TRPC4: variants seen among roughly 807,000 people sequenced by gnomAD.
TRPC4 encodes the protein short transient receptor potential channel 4.
Under a neutral mutation model 99.4 loss-of-function variants are expected in TRPC4, and 49 were observed. The ratio of observed to expected loss-of-function variants is 0.49; its 90% CI spans 0.39 to 0.63. TRPC4 has a LOEUF of 0.63. TRPC4 is among the 20% of genes least tolerant of loss of function. The pLI, the probability that TRPC4 is intolerant of heterozygous loss-of-function variation, is 0.00. For synonymous variants in TRPC4, 454 were observed against 425.9 expected, an observed-to-expected ratio of 1.07 and a Z score of -0.81; for missense variants, 898 against 1,152.9, an observed-to-expected ratio of 0.78 and a Z score of 3.20.
rs777379018 is a variant in TRPC4 at position 37,783,151 on chromosome 13, G to A, written c.183C>T (p.Ile61=). ...SLEEAEIYFK[I]NINCIDPLGR... is the part of the protein sequence containing the mutation. ...CGAGAGGATCAATGCAATTAATATTGATTTTAAAATAAATTTCAGCTTCCT... is the reference window on the plus strand; with the variant it reads ...CGAGAGGATCAATGCAATTAATATTAATTTTAAAATAAATTTCAGCTTCCT... Residue 61 remains isoleucine (I), a synonymous_variant, in exon 2 of 11, where the codon ATC becomes ATT. Coordinates refer to ENST00000379705, the MANE Select transcript of TRPC4 (RefSeq NM_016179.4). 1 of 1,613,372 alleles carries A rather than the reference G, an allele frequency of 6.2e-7. No homozygotes were observed. The highest frequency in any genetic ancestry group is 8.5e-7 in the Non-Finnish European group (1 of 1,179,710).
intron 1 of TRPC4, among the ~76,000 whole-genome samples, chr13:37,793,953 TAGAG>T (rs894088050): frequency 5.3e-5 from 8 of 152,046 alleles, no homozygotes; most frequent in Non-Finnish European, 7.4e-5. Context: ...TGGGAAAAAA[TAGAG>T]AGACTCAAAA....
At chr13:37,644,642 G>A (rs2138566965) in intron 8 of TRPC4, among the ~76,000 whole-genome samples, 1 of 152,058 alleles carries the variant, frequency 6.6e-6, no homozygotes, top group South Asian at 2.1e-4. Context: ...AGGCCGAAGA[G>A]GGTGGATCAC....
chr13:37,818,530 A>G (rs531105302), intron 1 of TRPC4, among the ~76,000 whole-genome samples: 3 of 152,196 alleles, frequency 2.0e-5, no homozygotes, highest in Non-Finnish European at 4.4e-5. Context: ...TATTCACAAT[A>G]GCAAATACTT....
chr13:37,736,895 ATTT>A (rs34176145), intron 3 of TRPC4, among the ~76,000 whole-genome samples: 2 of 127,726 alleles, frequency 1.6e-5, no homozygotes, highest in African/African-American at 2.9e-5. Context: ...TGCCTGGCTA[ATTT>A]TTTTTTTTTT....
chr13:37,827,178 T>A (rs9566269), intron 1 of TRPC4, among the ~76,000 whole-genome samples: 43,797 of 151,556 alleles, frequency 0.29, 6,499 homozygotes, highest in East Asian at 0.43. Context: ...ATTCTTCTAA[T>A]TTTTTTTCAA....
chr13:37,828,068 G>T (rs190398495), intron 1 of TRPC4, among the ~76,000 whole-genome samples: 1,972 of 152,284 alleles, frequency 0.013, 39 homozygotes, highest in African/African-American at 0.045. Context: ...TCTTTGACTA[G>T]GAAAGGGAAC....
At chr13:37,814,804 A>C (rs868372656) in intron 1 of TRPC4, among the ~76,000 whole-genome samples, 2 of 151,836 alleles carry the variant, frequency 1.3e-5, no homozygotes, top group Non-Finnish European at 2.9e-5. Context: ...ATTCCAACTT[A>C]CTTTTTAAAA....
At chr13:37,667,644 T>C (rs1267333782) in intron 5 of TRPC4, among the ~76,000 whole-genome samples, 2 of 152,186 alleles carry the variant, frequency 1.3e-5, no homozygotes, top group Admixed American at 1.3e-4. Context: ...AACCAGCCCA[T>C]GTCACATATT....
At chr13:37,808,454 T>C (rs570419560) in intron 1 of TRPC4, among the ~76,000 whole-genome samples, 2 of 152,194 alleles carry the variant, frequency 1.3e-5, no homozygotes, top group South Asian at 4.1e-4. Flanking sequence ...GAAATACATT[T>C]TGATGGAACT....
intron 1 of TRPC4, among the ~76,000 whole-genome samples, chr13:37,811,675 C>T (rs868853977): frequency 2.0e-5 from 3 of 152,114 alleles, no homozygotes; most frequent in Non-Finnish European, 2.9e-5. Context: ...AGGGGAAAAT[C>T]ATCTGTGAAG....
chr13:37,761,446 G>T (rs1413066244), intron 2 of TRPC4, among the ~76,000 whole-genome samples: 3 of 151,816 alleles, frequency 2.0e-5, no homozygotes. Context: ...CTCAGGTAGC[G>T]AGAGTAGGAA....
chr13:37,848,537 C>T (rs530784975), intron 1 of TRPC4, among the ~76,000 whole-genome samples: 3 of 152,176 alleles, frequency 2.0e-5, no homozygotes, highest in African/African-American at 7.2e-5. Context: ...GAGGGAAAAT[C>T]AAGTTGCAGA....
In TRPC4 at chr13:37,737,245, T is replaced by C. The variant is rs187817910; in HGVS notation, c.897+8692A>G. Among the ~76,000 whole-genome samples the C allele has an allele frequency of 2.6e-3, 400 of 151,038 alleles. 1 individual carries two copies. The highest frequency in any genetic ancestry group is 9.1e-3 in the African/African-American group (377 of 41,280). On this transcript the variant is annotated intron_variant, in intron 3 of 10. Coordinates refer to ENST00000379705, the MANE Select transcript of TRPC4 (RefSeq NM_016179.4). ...AAAATAGTAATAATAATAATAATAATAATAATAGCTGATAATAATAGATAG... is the reference window on the plus strand; with the variant it reads ...AAAATAGTAATAATAATAATAATAACAATAATAGCTGATAATAATAGATAG...
chr13:37,792,106 T>C (rs2139392162), intron 1 of TRPC4, among the ~76,000 whole-genome samples: 1 of 152,278 alleles, frequency 6.6e-6, no homozygotes, highest in South Asian at 2.1e-4. Flanking sequence ...TTAGCAATTA[T>C]ACAAGCATGG....
At chr13:37,866,288 G>A (rs1400846280) in intron 1 of TRPC4, among the ~76,000 whole-genome samples, 1 of 151,622 alleles carries the variant, frequency 6.6e-6, no homozygotes, top group Non-Finnish European at 1.5e-5. Flanking sequence ...CTATGACACT[G>A]CTATATTTTT....
chr13:37,633,474 T>G lies in TRPC4; in HGVS notation c.*3429A>C, dbSNP rs901964991. ...AAGAGCTGTGAGACTGGATAGTCAT[T>G]TACTCAGCTAAATCCCAGAGTTATT... On this transcript the variant is annotated 3_prime_UTR_variant, in exon 11 of 11. Coordinates refer to ENST00000379705, the MANE Select transcript of TRPC4 (RefSeq NM_016179.4). Among the ~76,000 whole-genome samples the G allele has an allele frequency of 3.3e-5, 5 of 152,150 alleles. No individual in the cohort carries two copies. Among genetic ancestry groups the G allele is most frequent in the African/African-American group, 9.7e-5 (4 of 41,440 alleles).
At chr13:37,642,226 A>G (rs999903247) in intron 8 of TRPC4, among the ~76,000 whole-genome samples, 3 of 152,188 alleles carry the variant, frequency 2.0e-5, no homozygotes, top group Non-Finnish European at 4.4e-5. Flanking sequence ...GGAGGAGCCC[A>G]AAAGTTTTAT....
intron 1 of TRPC4, among the ~76,000 whole-genome samples, chr13:37,858,238 T>A (rs1959190448): frequency 6.6e-6 from 1 of 151,654 alleles, no homozygotes; most frequent in Non-Finnish European, 1.5e-5. Context: ...CCAGTTAAAA[T>A]GGCTTCTATT....
intron 8 of TRPC4, among the ~76,000 whole-genome samples, chr13:37,648,330 A>G (rs1436120647): frequency 6.6e-6 from 1 of 152,180 alleles, no homozygotes. Flanking sequence ...AGCTCAACTA[A>G]GAGTAGGCAT....
Sources: gnomAD v4.1 joint callset for allele counts (sites outside exome capture counted in the v4.1 genomes callset) on GRCh38, gnomAD v4.1.1 for gene constraint, MANE v1.5 for transcripts, NCBI Gene and HGNC (gene_info 2026-07-23, HGNC 2026-07-21) for gene names.